Variants in PLEKHA7 observed in about 807,000 individuals in gnomAD.
PLEKHA7 encodes the protein pleckstrin homology domain-containing family A member 7.
PLEKHA7 carries 104 observed loss-of-function variants against 170.0 expected under a neutral mutation model. The observed-to-expected ratio is 0.61, with a 90% CI of 0.52 to 0.72. The LOEUF (loss-of-function observed/expected upper bound fraction) is 0.72, where lower values mean the gene tolerates loss of function less well. Ranked by LOEUF, PLEKHA7 falls within the 30% of genes least tolerant of loss-of-function variation. The pLI is 0.00. For synonymous variants in PLEKHA7, 648 were observed against 660.8 expected, an observed-to-expected ratio of 0.98 and a Z score of 0.30; for missense variants, 1,615 against 1,671.7, an observed-to-expected ratio of 0.97 and a Z score of 0.59.
At chr11:16,884,554 G>A (rs1292167072) in intron 3 of PLEKHA7, among the ~76,000 whole-genome samples, 1 of 152,114 alleles carries the variant, frequency 6.6e-6, no homozygotes, top group Non-Finnish European at 1.5e-5. Flanking sequence ...AGAATTGTTT[G>A]AACCCAGGAG....
At chr11:16,890,711 T>C (rs371665387) in intron 3 of PLEKHA7, among the ~76,000 whole-genome samples, 1 of 152,088 alleles carries the variant, frequency 6.6e-6, no homozygotes, top group South Asian at 2.1e-4. Context: ...TTGATTGAGG[T>C]AACAGTTATT....
chr11:16,918,165 G>A (rs147974349), intron 3 of PLEKHA7, among the ~76,000 whole-genome samples: 7 of 152,156 alleles, frequency 4.6e-5, no homozygotes, highest in African/African-American at 9.7e-5. Flanking sequence ...TTCACATGGC[G>A]TCATCACAAC....
chr11:16,815,402 C>T (rs1849675212), intron 12 of PLEKHA7: 1 of 152,436 alleles, frequency 6.6e-6, no homozygotes, highest in Admixed American at 6.6e-5. Flanking sequence ...GATGTGACAC[C>T]GTTAAGCAAT....
At chr11:16,783,855 G>A in intron 24 of PLEKHA7, 22 bp from the exon 25 acceptor site, 2 of 1,426,052 alleles carry the variant, frequency 1.4e-6, no homozygotes, top group South Asian at 1.5e-5. Flanking sequence ...CCAGGAGGTG[G>A]CAGAGGGAGA....
rs774399983 is a variant in PLEKHA7, at chr11:16,789,755, G to A, written c.3156+20C>T. The A allele has an allele frequency of 1.6e-5, 26 of 1,600,102 alleles. No individual in the cohort carries two copies. Among genetic ancestry groups the A allele is most frequent in the South Asian group, 7.7e-5 (7 of 90,488 alleles). ...CATGTGAAGGAGCAGGGAGGTCCTC[G>A]ACAGCTCAAGGCCACTCACAGGGAA... On this transcript the variant is annotated intron_variant, in intron 22 of 26. Coordinates refer to ENST00000531066, the MANE Select transcript of PLEKHA7 (RefSeq NM_001329630.2). The surrounding 1 kb of genome is among the most constrained non-coding windows in gnomAD (Gnocchi z 4.6).
At chr11:16,799,082 A>G (rs917897172) in intron 17 of PLEKHA7, among the ~76,000 whole-genome samples, 2 of 152,236 alleles carry the variant, frequency 1.3e-5, no homozygotes, top group Non-Finnish European at 2.9e-5. Flanking sequence ...GCATGTGGGT[A>G]TGGAGCACTT....
chr11:17,008,093 C>T (rs1865121287), intron 3 of PLEKHA7, among the ~76,000 whole-genome samples: 1 of 152,130 alleles, frequency 6.6e-6, no homozygotes, highest in Non-Finnish European at 1.5e-5. Flanking sequence ...AGCCTTACTC[C>T]AAGCCTCAGA....
intron 13 of PLEKHA7, among the ~76,000 whole-genome samples, chr11:16,806,970 G>A (rs995110823): frequency 3.9e-5 from 6 of 152,180 alleles, no homozygotes; most frequent in African/African-American, 1.4e-4. Flanking sequence ...GGCTCAGCCT[G>A]GTGCATCAGC....
At chr11:16,809,218 A>G (rs1290272529) in intron 13 of PLEKHA7, among the ~76,000 whole-genome samples, 1 of 152,220 alleles carries the variant, frequency 6.6e-6, no homozygotes, top group Non-Finnish European at 1.5e-5. Context: ...TTGGCACCCC[A>G]GCAGGAACGC....
chr11:16,803,473 T>C (rs1848742195), intron 13 of PLEKHA7, 178 bp from the exon 14 acceptor site: 1 of 614,032 alleles, frequency 1.6e-6, no homozygotes, highest in South Asian at 2.1e-5. Flanking sequence ...TATTTCATTT[T>C]AGGAAAAAAC....
intron 9 of PLEKHA7, among the ~76,000 whole-genome samples, chr11:16,836,252 C>T (rs382280): frequency 0.096 from 14,642 of 152,274 alleles, 823 homozygotes; most frequent in East Asian, 0.16. Flanking sequence ...ATTTAACACA[C>T]AGGTGGGAAG....
chr11:16,951,291 T>C (rs1310327480), intron 3 of PLEKHA7, among the ~76,000 whole-genome samples: 1 of 151,788 alleles, frequency 6.6e-6, no homozygotes, highest in Non-Finnish European at 1.5e-5. Flanking sequence ...CAGTTGACAT[T>C]AGTTGAGTGA....
chr11:17,003,860 C>T (rs1479937177), intron 3 of PLEKHA7, among the ~76,000 whole-genome samples: 4 of 152,138 alleles, frequency 2.6e-5, no homozygotes, highest in Non-Finnish European at 2.9e-5. Flanking sequence ...AGAAGTGATC[C>T]GGCACAACTC....
chr11:16,957,100 C>A (rs764307362), intron 3 of PLEKHA7, among the ~76,000 whole-genome samples: 53 of 152,114 alleles, frequency 3.5e-4, no homozygotes, highest in Non-Finnish European at 7.5e-4. Flanking sequence ...TGGCAAGAGC[C>A]TTTCATTCAA....
At chr11:16,873,834 CTT>C (rs1022855333) in intron 3 of PLEKHA7, among the ~76,000 whole-genome samples, 6 of 152,056 alleles carry the variant, frequency 3.9e-5, no homozygotes, top group African/African-American at 1.4e-4. Flanking sequence ...ATTTGACTAA[CTT>C]TTGTATTTTT....
chr11:16,946,551 TTAAG>T (rs1470410139), intron 3 of PLEKHA7, among the ~76,000 whole-genome samples: 3 of 152,182 alleles, frequency 2.0e-5, no homozygotes, highest in Non-Finnish European at 4.4e-5. Flanking sequence ...GAATTTCACT[TTAAG>T]TGTTTCCCAA....
intron 3 of PLEKHA7, among the ~76,000 whole-genome samples, chr11:16,895,154 G>C (rs1856920314): frequency 6.6e-6 from 1 of 152,100 alleles, no homozygotes; most frequent in African/African-American, 2.4e-5. Flanking sequence ...GAAAACTCCA[G>C]TACAGGGTAA....
rs1853362172 is a variant in PLEKHA7 at position 16,855,505 on chromosome 11, G to T, written c.417+298C>A. The T allele has an allele frequency of 1.4e-5, 5 of 361,786 alleles. No homozygotes were observed. The South Asian group carries it at 2.0e-4, about 15-fold the overall frequency. 22.4% of individuals were successfully genotyped at this position (361,786 alleles called of 1,614,324 possible). A position where few individuals can be genotyped will look rare whatever the true frequency, so the allele number is the denominator to read the frequency against. Reference sequence around the variant, plus strand: ...CATGTCACCAAATCTCTCCAGGCTTGCTTTAACACACAGCTACATGTAAAT... The same window carrying T: ...CATGTCACCAAATCTCTCCAGGCTTTCTTTAACACACAGCTACATGTAAAT... On this transcript the variant is annotated intron_variant, in intron 5 of 26. Transcript: ENST00000531066.
At chr11:16,945,014 G>A (rs1860938482) in intron 3 of PLEKHA7, among the ~76,000 whole-genome samples, 1 of 152,072 alleles carries the variant, frequency 6.6e-6, no homozygotes, top group Admixed American at 6.6e-5. Context: ...TCTACTCACT[G>A]CAACTTCTGC....
Sources: allele counts gnomAD v4.1 joint callset (sites outside exome capture counted in the v4.1 genomes callset), GRCh38; gene constraint gnomAD v4.1.1; non-coding constraint Gnocchi (gnomAD v3.1); transcripts MANE v1.5; gene names NCBI Gene and HGNC (gene_info 2026-07-23, HGNC 2026-07-21).